SLIT2: variants seen among roughly 807,000 people sequenced by gnomAD.
SLIT2 encodes the protein slit homolog 2 protein.
In SLIT2, 41 loss-of-function variants were observed where a neutral mutation model predicts 185.7. The ratio of observed to expected loss-of-function variants is 0.22; its 90% CI spans 0.17 to 0.29. SLIT2 has a LOEUF of 0.29. SLIT2 is among the 10% of genes least tolerant of loss of function. The pLI is 1.00. For missense variants in SLIT2, 1,571 were observed against 1,909.0 expected, an observed-to-expected ratio of 0.82 and a Z score of 3.30; for synonymous variants, 693 against 680.2, an observed-to-expected ratio of 1.02 and a Z score of -0.29.
chr4:20,441,637 C>G (rs1414869920), intron 4 of SLIT2, among the ~76,000 whole-genome samples: 2 of 151,740 alleles, frequency 1.3e-5, no homozygotes, highest in Admixed American at 6.6e-5. Flanking sequence ...TAGTCAGCAC[C>G]CTTTCTGTCT....
intron 4 of SLIT2, among the ~76,000 whole-genome samples, chr4:20,403,162 T>TAGC (rs1378174498): frequency 1.3e-5 from 2 of 151,948 alleles, no homozygotes; most frequent in African/African-American, 4.8e-5. Context: ...AATATTGCTA[T>TAGC]GTCATACATT....
intron 5 of SLIT2, among the ~76,000 whole-genome samples, chr4:20,480,278 A>G (rs1255232885): frequency 6.6e-6 from 1 of 152,202 alleles, no homozygotes; most frequent in African/African-American, 2.4e-5. Context: ...TGCCAAGGAT[A>G]GTGAAATTAA....
chr4:20,264,096 C>G lies in SLIT2; in HGVS notation c.324-4714C>G, dbSNP rs79209410. ...GGATAAAAGAGGGAGCAATATTTTG[C>G]TAATAAGTATTGACATCCCTAGCAA... On this transcript the variant is annotated intron_variant, in intron 3 of 36. Coordinates refer to ENST00000504154, the MANE Select transcript of SLIT2 (RefSeq NM_004787.4). 7.3e-3 allele frequency among the ~76,000 whole-genome samples: 1,104 copies of G among 151,860 alleles called. 11 individuals are homozygous for G. Among genetic ancestry groups the G allele is most frequent in the African/African-American group, 0.025 (1,028 of 41,480 alleles).
In SLIT2 at chr4:20,254,751, C is replaced by T. The variant is rs1711587462; in HGVS notation, c.179+757C>T. On this transcript the variant is annotated intron_variant, in intron 1 of 36. Coordinates refer to ENST00000504154, the MANE Select transcript of SLIT2 (RefSeq NM_004787.4). This position sits in a 1 kb window ranked among gnomAD's most constrained non-coding sequence, Gnocchi z 5.1. ...CGCAAACCAGCCCAACCAGGTCTTACCACTGCGGCGACCCGGCGGTGCCCG... is the reference window on the plus strand; with the variant it reads ...CGCAAACCAGCCCAACCAGGTCTTATCACTGCGGCGACCCGGCGGTGCCCG... Among the ~76,000 whole-genome samples the T allele has an allele frequency of 6.6e-6, 1 of 152,140 alleles. No homozygotes were observed. Among genetic ancestry groups the T allele is most frequent in the Non-Finnish European group, 1.5e-5 (1 of 68,016 alleles).
Position 20,416,409 on chromosome 4 carries a change from A to G in SLIT2, c.396-51343A>G, listed in dbSNP as rs530688723. Among the ~76,000 whole-genome samples the G allele has an allele frequency of 2.2e-4, 33 of 152,254 alleles. 1 individual carries two copies. The South Asian group carries it at 6.6e-3, about 31-fold the overall frequency. ...TTATTATCTCATTACTTATTATCTC[A>G]TTTAATGTAGTTACCTCCTTAAAGG... On this transcript the variant is annotated intron_variant, in intron 4 of 36. Transcript: ENST00000504154.
intron 11 of SLIT2, among the ~76,000 whole-genome samples, chr4:20,515,255 G>T (rs1720096970): frequency 6.6e-6 from 1 of 152,116 alleles, no homozygotes; most frequent in Non-Finnish European, 1.5e-5. Flanking sequence ...TAAACATCAA[G>T]AAATAATATG....
chr4:20,537,473 G>A (rs530810248), intron 18 of SLIT2, among the ~76,000 whole-genome samples: 1 of 152,232 alleles, frequency 6.6e-6, no homozygotes, highest in Admixed American at 6.5e-5. Flanking sequence ...AGTTGAACCC[G>A]AAACACCACC....
At position 20,481,690 on chromosome 4, in the gene SLIT2, A is replaced by T. The variant is rs997181916; in HGVS notation, c.539+903A>T. 2.6e-5 allele frequency among the ~76,000 whole-genome samples: 4 copies of T among 152,194 alleles called. No homozygotes were observed. The East Asian group carries it at 7.7e-4, about 29-fold the overall frequency. ...CATAAAATCCTTCCTTTTCCCCACA[A>T]AAAAGGAATTCATTACTTTATAAAT... On this transcript the variant is annotated intron_variant, in intron 6 of 36. Transcript: ENST00000504154.
At chr4:20,533,796 C>T (rs988657253) in intron 18 of SLIT2, 81 bp downstream of exon 18, 9 of 1,338,850 alleles carry the variant, frequency 6.7e-6, no homozygotes, top group African/African-American at 1.5e-5. Context: ...GAGAGAGAAA[C>T]ACCTACTTTT....
intron 4 of SLIT2, among the ~76,000 whole-genome samples, chr4:20,428,886 C>T (rs1210501006): frequency 6.6e-6 from 1 of 152,226 alleles, no homozygotes; most frequent in African/African-American, 2.4e-5. Flanking sequence ...CGCTTTAGCC[C>T]TGGTCACTGC....
chr4:20,378,805 A>G (rs999251597), intron 4 of SLIT2, among the ~76,000 whole-genome samples: 2 of 152,160 alleles, frequency 1.3e-5, no homozygotes, highest in South Asian at 2.1e-4. Flanking sequence ...AAGGAGCTTT[A>G]TGCATAATTG....
intron 4 of SLIT2, among the ~76,000 whole-genome samples, chr4:20,269,776 T>G (rs1485396090): frequency 2.0e-5 from 3 of 151,894 alleles, no homozygotes; most frequent in Admixed American, 2.0e-4. Context: ...CATAGTTCCT[T>G]TTTCTGAACT....
chr4:20,382,336 C>T (rs1724594030), intron 4 of SLIT2, among the ~76,000 whole-genome samples: 1 of 151,994 alleles, frequency 6.6e-6, no homozygotes, highest in African/African-American at 2.4e-5. Context: ...TTCCAGATGT[C>T]CTAGCCTGCC....
chr4:20,433,990 TA>T (rs1208645202), intron 4 of SLIT2, among the ~76,000 whole-genome samples: 1 of 152,198 alleles, frequency 6.6e-6, no homozygotes, highest in Non-Finnish European at 1.5e-5. Flanking sequence ...TTTGCTTATC[TA>T]AAATTTTAAT....
intron 5 of SLIT2, among the ~76,000 whole-genome samples, chr4:20,469,751 C>CTT (rs33912349): frequency 0.016 from 1,482 of 90,726 alleles, 49 homozygotes; most frequent in African/African-American, 0.028. Context: ...TTAGTTTTTA[C>CTT]TTTTTTTTTT....
At chr4:20,548,936 TTG>T in intron 23 of SLIT2, 119 bp from the exon 24 acceptor site, 1 of 635,944 alleles carries the variant, frequency 1.6e-6, no homozygotes, top group South Asian at 1.9e-5. Flanking sequence ...TAACAATATA[TTG>T]TGTGTTAACA....
intron 5 of SLIT2, among the ~76,000 whole-genome samples, chr4:20,470,997 A>G (rs1375315617): frequency 1.3e-5 from 2 of 152,204 alleles, no homozygotes; most frequent in African/African-American, 4.8e-5. Flanking sequence ...ATGTTTCTAC[A>G]GAAGAAAAGG....
At chr4:20,612,322 A>G (rs1326936827) in intron 34 of SLIT2, among the ~76,000 whole-genome samples, 1 of 151,024 alleles carries the variant, frequency 6.6e-6, no homozygotes, top group Non-Finnish European at 1.5e-5. Context: ...AAAAAAAAAA[A>G]AGAGGAAAAA....
At chr4:20,300,327 T>G (rs1716918793) in intron 4 of SLIT2, among the ~76,000 whole-genome samples, 1 of 152,132 alleles carries the variant, frequency 6.6e-6, no homozygotes, top group Admixed American at 6.5e-5. Flanking sequence ...ATGGTTTTAT[T>G]TATTTGAATT....
Sources: gnomAD v4.1 joint callset for allele counts (sites outside exome capture counted in the v4.1 genomes callset) on GRCh38, gnomAD v4.1.1 for gene constraint, Gnocchi (gnomAD v3.1) non-coding constraint, MANE v1.5 for transcripts, NCBI Gene and HGNC (gene_info 2026-07-23, HGNC 2026-07-21) for gene names.